TPRG1: variants seen among roughly 807,000 people sequenced by gnomAD.
TPRG1 encodes tumor protein p63 regulated 1, also known as tumor protein p63-regulated gene 1 protein.
In TPRG1, 29 loss-of-function variants were observed where a neutral mutation model predicts 29.3. The ratio of observed to expected loss-of-function variants is 0.99; its 90% CI spans 0.74 to 1.35. The LOEUF (loss-of-function observed/expected upper bound fraction) is 1.35, where lower values mean the gene tolerates loss of function less well. Among genes scored for constraint, TPRG1 ranks in the 40% most tolerant of loss-of-function variants. The probability of loss-of-function intolerance (pLI) is 0.00; values close to 1 mark genes in which losing one functional copy is unlikely to be tolerated. For synonymous variants in TPRG1, 130 were observed against 116.8 expected, an observed-to-expected ratio of 1.11 and a Z score of -0.73; for missense variants, 327 against 335.0, an observed-to-expected ratio of 0.98 and a Z score of 0.19.
intron 3 of TPRG1, among the ~76,000 whole-genome samples, chr3:189,009,093 T>G (rs1712458912): frequency 6.6e-6 from 1 of 152,054 alleles, no homozygotes. Context: ...CAGCACAGAG[T>G]AGGCCTACTA....
chr3:189,042,160 A>T (rs565662133), intron 4 of TPRG1, among the ~76,000 whole-genome samples: 2 of 151,874 alleles, frequency 1.3e-5, no homozygotes, highest in South Asian at 2.1e-4. Flanking sequence ...TTTAGAAATT[A>T]AAAAAAAATC....
chr3:189,203,590 C>A (rs1480037117), intron 1 of TPRG1, among the ~76,000 whole-genome samples: 1 of 152,122 alleles, frequency 6.6e-6, no homozygotes, highest in African/African-American at 2.4e-5. Flanking sequence ...TGTGTAATAC[C>A]AGTTGGATAT....
intron 4 of TPRG1, chr3:189,023,980 A>T (rs899558929): frequency 6.6e-6 from 1 of 152,332 alleles, no homozygotes; most frequent in African/African-American, 2.4e-5. Context: ...ACGGGATCAG[A>T]GACCCACTTA....
intron 4 of TPRG1, among the ~76,000 whole-genome samples, chr3:189,025,987 T>A (rs554141159): frequency 6.6e-6 from 1 of 152,330 alleles, no homozygotes; most frequent in African/African-American, 2.4e-5. Flanking sequence ...CCCTTATTAG[T>A]GCATCACCAA....
At chr3:189,025,246 T>C (rs1464464629) in intron 4 of TPRG1, among the ~76,000 whole-genome samples, 1 of 152,174 alleles carries the variant, frequency 6.6e-6, no homozygotes, top group African/African-American at 2.4e-5. Context: ...TATCCTGATC[T>C]GAGGGTTGCA....
At chr3:189,119,657 A>T (rs1721594110) in intron 1 of TPRG1, among the ~76,000 whole-genome samples, 1 of 152,088 alleles carries the variant, frequency 6.6e-6, no homozygotes, top group Admixed American at 6.6e-5. Context: ...ATGAGATCTG[A>T]TGGTTTATAA....
chr3:189,110,686 A>G (rs535603497), intron 1 of TPRG1, among the ~76,000 whole-genome samples: 302 of 152,082 alleles, frequency 2.0e-3, no homozygotes, highest in Middle Eastern at 3.4e-3. Context: ...TTTTTACACA[A>G]AAGTTTGATA....
intron 5 of TPRG1, among the ~76,000 whole-genome samples, chr3:189,314,159 A>G (rs1438031238): frequency 6.6e-6 from 1 of 152,150 alleles, no homozygotes; most frequent in East Asian, 1.9e-4. Flanking sequence ...AACTGGAAAA[A>G]GTAGGTTTGG....
At chr3:189,114,594 A>G (rs1720950365) in intron 1 of TPRG1, among the ~76,000 whole-genome samples, 1 of 152,072 alleles carries the variant, frequency 6.6e-6, no homozygotes, top group Non-Finnish European at 1.5e-5. Flanking sequence ...AATGACACAT[A>G]GGGTAAGAGT....
intron 3 of TPRG1, among the ~76,000 whole-genome samples, chr3:189,022,360 G>T (rs1100320): frequency 0.9 from 120,792 of 134,572 alleles, 55,268 homozygotes; most frequent in Non-Finnish European, 0.99. Flanking sequence ...CATCTTTGTG[G>T]TTTTATCTAC....
chr3:189,233,150 C>A (rs1738926771), intron 3 of TPRG1, among the ~76,000 whole-genome samples: 1 of 142,886 alleles, frequency 7.0e-6, no homozygotes, highest in South Asian at 2.4e-4. Context: ...AAGGAAGATA[C>A]CTCTACTGAG....
chr3:189,219,535 A>ATT, intron 3 of TPRG1: 1 of 1,133,618 alleles, frequency 8.8e-7, no homozygotes, highest in Non-Finnish European at 1.1e-6. Context: ...AAAAAAAAAG[A>ATT]TTATTTTAAA....
intron 5 of TPRG1, among the ~76,000 whole-genome samples, chr3:189,151,833 A>G (rs1464823784): frequency 6.6e-6 from 1 of 152,116 alleles, no homozygotes; most frequent in Non-Finnish European, 1.5e-5. Context: ...GTGAGCCAAG[A>G]TCACGCCATT....
At chr3:189,026,553 G>A (rs984263578) in intron 4 of TPRG1, among the ~76,000 whole-genome samples, 2 of 152,158 alleles carry the variant, frequency 1.3e-5, no homozygotes, top group East Asian at 1.9e-4. Context: ...CCACATGGAC[G>A]AGAACATTGA....
At chr3:189,241,264 C>T (rs1169910102) in intron 4 of TPRG1, among the ~76,000 whole-genome samples, 1 of 152,122 alleles carries the variant, frequency 6.6e-6, no homozygotes, top group African/African-American at 2.4e-5. Context: ...TCAAGTATTA[C>T]AAAACCTTTT....
At chr3:189,135,781 C>A (rs546936205) in intron 3 of TPRG1, among the ~76,000 whole-genome samples, 1 of 152,260 alleles carries the variant, frequency 6.6e-6, no homozygotes, top group East Asian at 1.9e-4. Flanking sequence ...GCAGTGTAGT[C>A]CCTGTCATTG....
At chr3:189,226,821 A>G (rs925163327) in intron 3 of TPRG1, among the ~76,000 whole-genome samples, 19 of 151,678 alleles carry the variant, frequency 1.3e-4, no homozygotes, top group Non-Finnish European at 2.4e-4. Context: ...AAGAAAAAGA[A>G]AAAAGAGGAG....
intron 4 of TPRG1, among the ~76,000 whole-genome samples, chr3:189,074,776 A>C (rs1206642497): frequency 6.6e-6 from 1 of 151,312 alleles, no homozygotes; most frequent in African/African-American, 2.4e-5. Flanking sequence ...TATCACTTTG[A>C]GTACACTAAT....
At chr3:189,072,537 G>T (rs1716872683) in intron 4 of TPRG1, among the ~76,000 whole-genome samples, 1 of 152,028 alleles carries the variant, frequency 6.6e-6, no homozygotes, top group Non-Finnish European at 1.5e-5. Flanking sequence ...TTTTCATGGG[G>T]CATACATCCA....
Sources: allele counts gnomAD v4.1 joint callset (sites outside exome capture counted in the v4.1 genomes callset), GRCh38; gene constraint gnomAD v4.1.1; transcripts MANE v1.5; gene names NCBI Gene and HGNC (gene_info 2026-07-23, HGNC 2026-07-21).